The following GRB10 variants were observed in gnomAD, a reference collection of about 807,000 sequenced individuals.
The protein encoded by GRB10 is growth factor receptor-bound protein 10.
In GRB10, 20 loss-of-function variants were observed where a neutral mutation model predicts 80.9. That is an observed-to-expected ratio of 0.25 (90% CI 0.17 to 0.36). GRB10 has a LOEUF of 0.36. GRB10 is among the 10% of genes least tolerant of loss of function. GRB10 has a pLI of 1.00. For missense variants in GRB10, 548 were observed against 747.7 expected (o/e 0.73, Z 3.12); for synonymous variants, 291 against 291.5 (o/e 1.00, Z 0.02).
chr7:50,628,162 C>G (rs2053318717), intron 7 of GRB10, among the ~76,000 whole-genome samples: 1 of 152,248 alleles, frequency 6.6e-6, no homozygotes, highest in Non-Finnish European at 1.5e-5. Flanking sequence ...ACACAGGCAG[C>G]TGAGAGGCTG....
intron 6 of GRB10, among the ~76,000 whole-genome samples, chr7:50,672,525 CAG>C (rs912800213): frequency 9.9e-5 from 15 of 152,108 alleles, no homozygotes; most frequent in African/African-American, 3.6e-4. Flanking sequence ...GAGAGGACAC[CAG>C]AGAGAAGACA....
chr7:50,675,018 C>G (rs1328445010), intron 5 of GRB10, among the ~76,000 whole-genome samples: 2 of 152,168 alleles, frequency 1.3e-5, no homozygotes, highest in Non-Finnish European at 2.9e-5. Flanking sequence ...ACCCCACTGG[C>G]CTGGACTCAG....
At chr7:50,684,957 C>T (rs1586855303) in intron 5 of GRB10, among the ~76,000 whole-genome samples, 1 of 152,126 alleles carries the variant, frequency 6.6e-6, no homozygotes, top group African/African-American at 2.4e-5. Context: ...AATATTAGCC[C>T]GAGAACACTG....
At chr7:50,758,099 G>C (rs1304963340) in intron 2 of GRB10, among the ~76,000 whole-genome samples, 1 of 152,152 alleles carries the variant, frequency 6.6e-6, no homozygotes, top group Non-Finnish European at 1.5e-5. Context: ...ATAAACTGAA[G>C]AGTTAGTAAG....
intron 6 of GRB10, among the ~76,000 whole-genome samples, chr7:50,670,782 A>T (rs1471430430): frequency 6.6e-6 from 1 of 152,230 alleles, no homozygotes. Flanking sequence ...TATGCAATGG[A>T]TGGTTACTTA....
intron 4 of GRB10, among the ~76,000 whole-genome samples, chr7:50,725,522 T>C (rs78292882): frequency 1.3e-5 from 2 of 152,166 alleles, no homozygotes; most frequent in Non-Finnish European, 2.9e-5. Flanking sequence ...AGTAGAAACT[T>C]TGACACTTTA....
At chr7:50,605,045 C>T in intron 15 of GRB10, 2 of 554,498 alleles carry the variant, frequency 3.6e-6, no homozygotes, top group Non-Finnish European at 6.5e-6. Context: ...GGGCAGAGAA[C>T]TCTGTTCCTC....
intron 4 of GRB10, among the ~76,000 whole-genome samples, chr7:50,731,075 C>A (rs1031466471): frequency 5.9e-5 from 9 of 152,140 alleles, no homozygotes; most frequent in Non-Finnish European, 1.0e-4. Context: ...GAGGCAACCA[C>A]AGCCTCTTTA....
chr7:50,697,271 T>A (rs1281189026), intron 5 of GRB10, among the ~76,000 whole-genome samples: 1 of 152,236 alleles, frequency 6.6e-6, no homozygotes, highest in African/African-American at 2.4e-5. Flanking sequence ...TGTACACTTA[T>A]ACAAACGACT....
chr7:50,613,029 T>A (rs1403816699), intron 12 of GRB10, among the ~76,000 whole-genome samples, 190 bp from the exon 13 acceptor site: 3 of 152,198 alleles, frequency 2.0e-5, no homozygotes, highest in Non-Finnish European at 4.4e-5. Context: ...AAGACTTTAT[T>A]AAGTGCCTAC....
chr7:50,774,995 C>T (rs1034621752), intron 2 of GRB10, among the ~76,000 whole-genome samples: 1 of 123,416 alleles, frequency 8.1e-6, no homozygotes, highest in Non-Finnish European at 1.9e-5. Flanking sequence ...AAAAACAAAA[C>T]AAAACAAAAA....
intron 4 of GRB10, among the ~76,000 whole-genome samples, chr7:50,712,159 T>C (rs185137946): frequency 6.6e-6 from 1 of 152,310 alleles, no homozygotes; most frequent in Non-Finnish European, 1.5e-5. Context: ...ACTCCTATTC[T>C]GCCAGTTGCA....
chr7:50,616,117 G>A, intron 11 of GRB10, 93 bp downstream of exon 11: 1 of 1,404,862 alleles, frequency 7.1e-7, no homozygotes, highest in Non-Finnish European at 1.0e-6. Flanking sequence ...AGTCTAAGGT[G>A]CATTTAAAAA....
At chr7:50,734,254 C>A (rs1264755857) in intron 3 of GRB10, among the ~76,000 whole-genome samples, 1 of 151,986 alleles carries the variant, frequency 6.6e-6, no homozygotes, top group Non-Finnish European at 1.5e-5. Context: ...CACTCTTGTG[C>A]GACTCCTCAC....
At chr7:50,691,490 G>A (rs373630490) in intron 5 of GRB10, among the ~76,000 whole-genome samples, 3 of 152,140 alleles carry the variant, frequency 2.0e-5, no homozygotes, top group Admixed American at 6.5e-5. Context: ...GTTAAAATAC[G>A]AAGCATAAGT....
At chr7:50,787,051 A>G (rs1309131349), upstream of GRB10, among the ~76,000 whole-genome samples, 2 of 152,260 alleles carry the variant, frequency 1.3e-5, no homozygotes, top group African/African-American at 2.4e-5. Flanking sequence ...AAAATGTCCT[A>G]GGAGAAAATC....
intron 3 of GRB10, among the ~76,000 whole-genome samples, chr7:50,749,608 G>C (rs2073766139): frequency 6.6e-6 from 1 of 152,098 alleles, no homozygotes; most frequent in Admixed American, 6.5e-5. Context: ...TGTGGAATTT[G>C]TCATTTTCAA....
At chr7:50,773,031 CAT>C (rs2077134697) in intron 2 of GRB10, among the ~76,000 whole-genome samples, 1 of 152,110 alleles carries the variant, frequency 6.6e-6, no homozygotes, top group Admixed American at 6.5e-5. Context: ...TTAATGGACT[CAT>C]ATTTCCACGT....
At chr7:50,780,542 C>T (rs1007920491) in intron 2 of GRB10, 85 bp downstream of exon 2, 2 of 152,204 alleles carry the variant, frequency 1.3e-5, no homozygotes, top group African/African-American at 4.8e-5. Flanking sequence ...AATCACCTGG[C>T]ATGCTTTACA....
Sources: allele counts gnomAD v4.1 joint callset (sites outside exome capture counted in the v4.1 genomes callset), GRCh38; gene constraint gnomAD v4.1.1; transcripts MANE v1.5; gene names NCBI Gene and HGNC (gene_info 2026-07-23, HGNC 2026-07-21).